PARVG: variants seen among roughly 807,000 people sequenced by gnomAD.
PARVG encodes the protein gamma-parvin.
A neutral mutation model predicts 44.4 loss-of-function variants in PARVG; 36 were observed. That is an observed-to-expected ratio of 0.81 (90% CI 0.62 to 1.07). PARVG has a LOEUF of 1.07. PARVG is among the 50% of genes least tolerant of loss of function. The pLI, the probability that PARVG is intolerant of heterozygous loss-of-function variation, is 0.00. For synonymous variants in PARVG, 170 were observed against 174.1 expected (o/e 0.98, Z 0.19); for missense variants, 407 against 407.4 (o/e 1.00, Z 0.01).
upstream of PARVG, among the ~76,000 whole-genome samples, chr22:44,177,538 T>C (rs763780999): frequency 2.0e-5 from 3 of 152,304 alleles, no homozygotes; most frequent in African/African-American, 7.2e-5. Flanking sequence ...TTATGTTTCA[T>C]AGCCTTGATT....
upstream of PARVG, among the ~76,000 whole-genome samples, chr22:44,177,906 T>A (rs1384052806): frequency 6.6e-6 from 1 of 152,174 alleles, no homozygotes; most frequent in Non-Finnish European, 1.5e-5. Context: ...GTTTATCAAA[T>A]TTGTACACTA....
chr22:44,200,542 T>G (rs1437509742), intron 12 of PARVG, among the ~76,000 whole-genome samples: 1 of 151,724 alleles, frequency 6.6e-6, no homozygotes, highest in Non-Finnish European at 1.5e-5. Flanking sequence ...CAGGCTGGAG[T>G]GTTGGTGGCT....
rs1601754052 is a variant in PARVG at position 44,207,584 on chromosome 22, T to C, written c.*1158T>C. ...CCTGAAGAGGCCTCTGGGTCTGGGG[T>C]TTTCACAGTTTGACAGCTGAGGCCT... On this transcript the variant is annotated 3_prime_UTR_variant, in exon 14 of 14. Transcript: ENST00000444313. 1 of 150,958 alleles carries C rather than the reference T, an allele frequency of 6.6e-6. No individual in the cohort carries two copies. Among genetic ancestry groups the C allele is most frequent in the Non-Finnish European group, 1.5e-5 (1 of 67,862 alleles). The allele number at this position is 150,958 out of a possible 1,614,324, so 9.4% of individuals were successfully genotyped here.
chr22:44,201,739 C>A (rs2054712350), intron 12 of PARVG, among the ~76,000 whole-genome samples: 1 of 152,214 alleles, frequency 6.6e-6, no homozygotes, highest in South Asian at 2.1e-4. Flanking sequence ...AGTTTAGCTG[C>A]TAGAGGCTCA....
rs1451531531 is a variant in PARVG at position 44,189,204 on chromosome 22, T to G, written c.338T>G (p.Val113Gly). 6.2e-7 allele frequency: 1 copy of G among 1,614,176 alleles called. No homozygotes were observed. Among genetic ancestry groups the G allele is most frequent in the South Asian group, 1.1e-5 (1 of 91,082 alleles). ...KHKLTVVLEA[V>G]NRSLQLEEWQ... is the part of the protein sequence containing the mutation. ...AAGCTCACAGTGGTGCTGGAGGCCG[T>G]GAACCGGAGTCTGCAGCTGGAGGAG... Residue 113 changes from valine to glycine, a missense_variant, in exon 6 of 14, where the codon GTG (valine) becomes GGG (glycine). Coordinates refer to ENST00000444313, the MANE Select transcript of PARVG (RefSeq NM_022141.7).
chr22:44,194,576 C>G (rs2054592350), intron 9 of PARVG, among the ~76,000 whole-genome samples: 1 of 151,692 alleles, frequency 6.6e-6, no homozygotes, highest in Non-Finnish European at 1.5e-5. Flanking sequence ...TTTATCCATC[C>G]CTCCATCCAT....
At chr22:44,178,455 C>T (rs1433227807), upstream of PARVG, among the ~76,000 whole-genome samples, 2 of 152,166 alleles carry the variant, frequency 1.3e-5, no homozygotes, top group Non-Finnish European at 2.9e-5. Context: ...TAAAAACAGA[C>T]ATCAAAAGAA....
chr22:44,190,198 C>G (rs1041314515), intron 6 of PARVG, among the ~76,000 whole-genome samples: 3 of 152,290 alleles, frequency 2.0e-5, no homozygotes, highest in Admixed American at 6.5e-5. Flanking sequence ...ATGAAATCAA[C>G]CCTGAATTAA....
intron 8 of PARVG, 74 bp from the exon 9 acceptor site, chr22:44,193,727 C>A: frequency 1.3e-6 from 2 of 1,580,404 alleles, no homozygotes; most frequent in South Asian, 1.2e-5. Context: ...TGAGGCTTGT[C>A]ATATTGAGAA....
Position 44,198,265 on chromosome 22 carries a change from G to A in PARVG, c.712-356G>A, listed in dbSNP as rs1017453691. 3.3e-5 allele frequency among the ~76,000 whole-genome samples: 5 copies of A among 152,182 alleles called. No homozygotes were observed. In the East Asian group the frequency reaches 9.6e-4, roughly 29 times the overall value. ...ATTAATGTGGCAGCCAGCGAGATGA[G>A]CCTGGTGTGCTGCTCTCTGCCTTTC... On this transcript the variant is annotated intron_variant, in intron 11 of 13. Coordinates refer to ENST00000444313, the MANE Select transcript of PARVG (RefSeq NM_022141.7).
chr22:44,203,874 C>T (rs938751158), intron 12 of PARVG, among the ~76,000 whole-genome samples: 11 of 152,210 alleles, frequency 7.2e-5, no homozygotes, highest in East Asian at 3.9e-4. Flanking sequence ...GCCTTTGTTT[C>T]GCTCTTGTCA....
At chr22:44,203,597 AG>A (rs2054738967) in intron 12 of PARVG, among the ~76,000 whole-genome samples, 1 of 152,230 alleles carries the variant, frequency 6.6e-6, no homozygotes. Flanking sequence ...CAGGTTCCTC[AG>A]GGTCTTGTTC....
chr22:44,173,531 C>A (rs1372050392), intron 1 of PARVG, among the ~76,000 whole-genome samples: 1 of 143,342 alleles, frequency 7.0e-6, no homozygotes, highest in Middle Eastern at 3.3e-3. Flanking sequence ...AGAAAGGCAA[C>A]CACGCTATTA....
chr22:44,175,134 A>T (rs2054307017), intron 1 of PARVG, among the ~76,000 whole-genome samples: 1 of 152,214 alleles, frequency 6.6e-6, no homozygotes, highest in South Asian at 2.1e-4. Context: ...AAAACAAAAA[A>T]CATTGCTTCT....
chr22:44,198,831 G>A lies in PARVG; in HGVS notation c.813+109G>A, dbSNP rs74754345. The A allele has an allele frequency of 4.2e-3, 3,536 of 852,008 alleles. 94 individuals are homozygous for A. In the African/African-American group the frequency reaches 0.054, roughly 13 times the overall value. 52.8% of individuals were successfully genotyped at this position (852,008 alleles called of 1,614,324 possible). A position where few individuals can be genotyped will look rare whatever the true frequency, so the allele number is the denominator to read the frequency against. On this transcript the variant is annotated intron_variant, in intron 12 of 13. Transcript: ENST00000444313. ...CTTCCAGGTGAAGTGAAGGGTGTAG[G>A]GGAAGCTTATTTGTCTATATGTCTG...
chr22:44,175,675 C>G (rs9614210), intron 1 of PARVG, among the ~76,000 whole-genome samples: 2 of 146,822 alleles, frequency 1.4e-5, no homozygotes, highest in African/African-American at 2.5e-5. Flanking sequence ...GCCGCTGAGG[C>G]GTTGGGTGTG....
Position 44,187,850 on chromosome 22 carries a change from C to G in PARVG, c.219C>G (p.Phe73Leu). The G allele has an allele frequency of 6.2e-7, 1 of 1,614,234 alleles. No homozygotes were observed. The highest frequency in any genetic ancestry group is 8.5e-7 in the Non-Finnish European group (1 of 1,180,032). Residue 73 changes from phenylalanine (F) to leucine (L), a missense_variant, in exon 5 of 14, where the codon TTC becomes TTG. By Grantham distance (22) the Phe-to-Leu change is conservative (BLOSUM62 0). Transcript: ENST00000444313. Reference protein sequence around the residue: ...IVVRSLEEDMFDGLILHHLFQ... With the variant: ...IVVRSLEEDMLDGLILHHLFQ... ...TCCGCAGCCTGGAGGAGGACATGTTCGACGGGCTCATCCTACACCACCTAT... is the reference window on the plus strand; with the variant it reads ...TCCGCAGCCTGGAGGAGGACATGTTGGACGGGCTCATCCTACACCACCTAT...
rs561155336 is a variant in PARVG at position 44,190,607 on chromosome 22, C to T, written c.445C>T (p.Arg149Cys). 1.7e-5 allele frequency: 27 copies of T among 1,614,146 alleles called. No individual in the cohort carries two copies. The highest frequency in any genetic ancestry group is 1.1e-4 in the East Asian group (5 of 44,864). ...TLHLLVALAK[R>C]FQPDLSLPTN... ...GCACCTCCTTGTGGCCCTGGCCAAG[C>T]GCTTCCAGCCCGACCTCTCCCTCCC... The change falls in exon 7 of 14, where the codon CGC becomes TGC. Residue 149 changes from arginine (R) to cysteine (C), a missense_variant. Coordinates refer to ENST00000444313, the MANE Select transcript of PARVG (RefSeq NM_022141.7).
Position 44,207,612 on chromosome 22 carries a change from G to T in PARVG, c.*1186G>T. 6.6e-6 allele frequency: 1 copy of T among 152,336 alleles called. No homozygotes were observed. The highest frequency in any genetic ancestry group is 1.5e-5 in the Non-Finnish European group (1 of 68,140). The allele number at this position is 152,336 out of a possible 1,614,324, so 9.4% of individuals were successfully genotyped here. A position where few individuals can be genotyped will look rare whatever the true frequency, so the allele number is the denominator to read the frequency against. On this transcript the variant is annotated 3_prime_UTR_variant, in exon 14 of 14. Coordinates refer to ENST00000444313, the MANE Select transcript of PARVG (RefSeq NM_022141.7). ...TCACAGTTTGACAGCTGAGGCCTTGGGGAGGGGCTTTAGATGGGGGTTAGG... is the reference window on the plus strand; with the variant it reads ...TCACAGTTTGACAGCTGAGGCCTTGTGGAGGGGCTTTAGATGGGGGTTAGG...
Sources: gnomAD v4.1 joint callset for allele counts (sites outside exome capture counted in the v4.1 genomes callset) on GRCh38, gnomAD v4.1.1 for gene constraint, MANE v1.5 for transcripts, NCBI Gene and HGNC (gene_info 2026-07-23, HGNC 2026-07-21) for gene names.